ZNF326: variants seen among roughly 807,000 people sequenced by gnomAD.
ZNF326 encodes zinc finger protein 326, also known as DBIRD complex subunit ZNF326.
ZNF326 carries 30 observed loss-of-function variants against 63.1 expected under a neutral mutation model. The ratio of observed to expected loss-of-function variants is 0.48; its 90% confidence interval spans 0.36 to 0.64. The LOEUF (loss-of-function observed/expected upper bound fraction) is 0.64, where lower values mean the gene tolerates loss of function less well. Ranked by LOEUF, ZNF326 falls within the 30% of genes least tolerant of loss-of-function variation. ZNF326 has a pLI of 0.00. For synonymous variants in ZNF326, 194 were observed against 228.2 expected, an observed-to-expected ratio of 0.85 and a Z score of 1.35; for missense variants, 609 against 720.3, an observed-to-expected ratio of 0.85 and a Z score of 1.77.
Position 90,027,916 on chromosome 1 carries a change from TC to T in ZNF326, c.*217del. ...AGTTTTTATAGCTACCAGACTTAGA[TC>T]CGATAAATTGTTTGTATAATTTTTA... On this transcript the variant is annotated 3_prime_UTR_variant, in exon 12 of 12. Transcript: ENST00000340281. The T allele has an allele frequency of 1.9e-6, 1 of 538,170 alleles. No homozygotes were observed. 33.3% of individuals were successfully genotyped at this position (538,170 alleles called of 1,614,324 possible).
At chr1:90,014,043 C>T (rs1649378921) in intron 7 of ZNF326, among the ~76,000 whole-genome samples, 1 of 149,168 alleles carries the variant, frequency 6.7e-6, no homozygotes, top group African/African-American at 2.5e-5. Flanking sequence ...CCAGCCTGGG[C>T]AACAGAGCGA....
intron 1 of ZNF326, among the ~76,000 whole-genome samples, chr1:89,996,601 C>T (rs550937510): frequency 1.3e-5 from 2 of 152,076 alleles, no homozygotes; most frequent in African/African-American, 2.4e-5. Flanking sequence ...GGGCTGGGCA[C>T]GATGGCTCAC....
Position 90,029,381 on chromosome 1 carries a change from A to G in ZNF326, c.*1680A>G, listed in dbSNP as rs1650165701. On this transcript the variant is annotated 3_prime_UTR_variant, in exon 12 of 12. Transcript: ENST00000340281. Reference sequence around the variant, plus strand: ...AATTTTAGGGATTTGGTGCCAAATAAGAGAAGGGTAGTTGAAGACTAGATA... The same window carrying G: ...AATTTTAGGGATTTGGTGCCAAATAGGAGAAGGGTAGTTGAAGACTAGATA... 6.6e-6 allele frequency: 1 copy of G among 152,120 alleles called. No homozygotes were observed. The highest frequency in any genetic ancestry group is 6.5e-5 in the Admixed American group (1 of 15,268). The allele number at this position is 152,120 out of a possible 1,614,324, so 9.4% of individuals were successfully genotyped here. A position where few individuals can be genotyped will look rare whatever the true frequency, so the allele number is the denominator to read the frequency against.
Position 90,027,565 on chromosome 1 carries a change from T to TAGGGGAAGG in ZNF326, c.1622_1630dup (p.Gly541_Glu543dup). On this transcript the variant is annotated inframe_insertion, in exon 12 of 12. Coordinates refer to ENST00000340281, the MANE Select transcript of ZNF326 (RefSeq NM_182976.4). ...GAGGGCGAGGGAAATATACAGGGAG[T>TAGGGGAAGG]AGGGGAAGGAGGGGAAGTAGGGGTA... 1 of 1,584,504 alleles carries TAGGGGAAGG rather than the reference T, an allele frequency of 6.3e-7. No homozygotes were observed. The highest frequency in any genetic ancestry group is 8.6e-7 in the Non-Finnish European group (1 of 1,168,248).
At position 90,033,400 on chromosome 1, in the gene ZNF326, G is replaced by A. The variant is rs1034006690; in HGVS notation, c.*5699G>A. 4.0e-5 allele frequency: 6 copies of A among 151,630 alleles called. No individual in the cohort carries two copies. Among genetic ancestry groups the A allele is most frequent in the Non-Finnish European group, 7.4e-5 (5 of 67,882 alleles). 9.4% of individuals were successfully genotyped at this position (151,630 alleles called of 1,614,324 possible). A position where few individuals can be genotyped will look rare whatever the true frequency, so the allele number is the denominator to read the frequency against. On this transcript the variant is annotated 3_prime_UTR_variant, in exon 12 of 12. Transcript: ENST00000340281. The stretch of plus-strand genomic sequence containing the variant: ...GAATTCCTGGGGAAACAATTCAGGG[G>A]GAAAAAATGACCAAGTATAATTAGT...
In ZNF326 at chr1:90,006,535, T is replaced by C. The variant is rs1648997844; in HGVS notation, c.210-810T>C. The C allele has an allele frequency of 3.2e-6, 3 of 932,778 alleles. No homozygotes were observed. The African/African-American group carries it at 5.3e-5, about 17-fold the overall frequency. 57.8% of individuals were successfully genotyped at this position (932,778 alleles called of 1,614,324 possible). ...CTCTTAAAACCTCGAGGAGACTGTG[T>C]GCTCCCTTTTTTAGGGTAGTTTTAT... On this transcript the variant is annotated intron_variant, in intron 4 of 11. Transcript: ENST00000340281.
intron 6 of ZNF326, 25 bp downstream of exon 6, chr1:90,010,311 T>C (rs1336800534): frequency 6.3e-7 from 1 of 1,593,828 alleles, no homozygotes; most frequent in East Asian, 2.2e-5. Flanking sequence ...ATAATTGCTA[T>C]GATTCAGGAT....
At chr1:90,021,857 A>G (rs532068651) in intron 10 of ZNF326, among the ~76,000 whole-genome samples, 2 of 152,240 alleles carry the variant, frequency 1.3e-5, no homozygotes, top group African/African-American at 2.4e-5. Flanking sequence ...CTTCCTCTGT[A>G]TAATAGTCTT....
chr1:90,011,984 G>A (rs1649270036), intron 6 of ZNF326, among the ~76,000 whole-genome samples: 1 of 152,032 alleles, frequency 6.6e-6, no homozygotes, highest in Non-Finnish European at 1.5e-5. Context: ...CTACAGATGT[G>A]CACCACCACG....
chr1:90,015,874 G>A (rs1649478976), intron 7 of ZNF326, among the ~76,000 whole-genome samples: 1 of 127,262 alleles, frequency 7.9e-6, no homozygotes, highest in Non-Finnish European at 1.8e-5. Flanking sequence ...AGTGTAGATT[G>A]AAGTGACTCT....
chr1:90,005,481 A>G (rs1193342915), intron 4 of ZNF326: 1 of 1,171,480 alleles, frequency 8.5e-7, no homozygotes, highest in East Asian at 3.9e-5. Context: ...ATAGAGTAAG[A>G]TACACTTTTT....
chr1:90,026,877 G>C (rs1050380778), intron 11 of ZNF326, among the ~76,000 whole-genome samples: 2 of 151,984 alleles, frequency 1.3e-5, no homozygotes, highest in Non-Finnish European at 2.9e-5. Flanking sequence ...TTTACTGAGA[G>C]GTTTGTCTAC....
In ZNF326 at chr1:90,028,628, A is replaced by G. The variant is rs967247552; in HGVS notation, c.*927A>G. 6.6e-6 allele frequency: 1 copy of G among 152,140 alleles called. No homozygotes were observed. Among genetic ancestry groups the G allele is most frequent in the African/African-American group, 2.4e-5 (1 of 41,428 alleles). 9.4% of individuals were successfully genotyped at this position (152,140 alleles called of 1,614,324 possible). On this transcript the variant is annotated 3_prime_UTR_variant, in exon 12 of 12. Coordinates refer to ENST00000340281, the MANE Select transcript of ZNF326 (RefSeq NM_182976.4). ...TTTTAAAAGAATTATTTCTCTTTCAAATATTTCTATCCTTTTTAAAAAATT... is the reference window on the plus strand; with the variant it reads ...TTTTAAAAGAATTATTTCTCTTTCAGATATTTCTATCCTTTTTAAAAAATT...
intron 6 of ZNF326, 78 bp from the exon 7 acceptor site, chr1:90,013,048 G>T: frequency 1.6e-6 from 2 of 1,237,592 alleles, no homozygotes; most frequent in South Asian, 1.6e-5. Flanking sequence ...TCATAAGTAT[G>T]TACTTTACGA....
rs375902040 is a variant in ZNF326 at position 89,998,161 on chromosome 1, A to G, written c.61+7A>G. On this transcript the variant is annotated splice_region_variant and intron_variant, in intron 2 of 11. Transcript: ENST00000340281. ...ACTTATCAGGGCTTTAATGGTAAGT[A>G]TCCTCTTTCAGCTTTTCTCTTCATG... 1.9e-6 allele frequency: 3 copies of G among 1,612,312 alleles called. No homozygotes were observed. In the African/African-American group the frequency reaches 4.0e-5, roughly 22 times the overall value.
rs1376908141 is a variant in ZNF326, at chr1:90,034,023, A to G, written c.*6322A>G. Reference sequence around the variant, plus strand: ...AGCAAAAACAATGAAAAAGTCATGCAGGATGAATACTGACAAAATATGTGT... The same window carrying G: ...AGCAAAAACAATGAAAAAGTCATGCGGGATGAATACTGACAAAATATGTGT... On this transcript the variant is annotated 3_prime_UTR_variant, in exon 12 of 12. Coordinates refer to ENST00000340281, the MANE Select transcript of ZNF326 (RefSeq NM_182976.4). The G allele has an allele frequency of 6.6e-6, 1 of 152,154 alleles. No individual in the cohort carries two copies. Among genetic ancestry groups the G allele is most frequent in the Non-Finnish European group, 1.5e-5 (1 of 67,998 alleles). The allele number at this position is 152,154 out of a possible 1,614,324, so 9.4% of individuals were successfully genotyped here.
chr1:90,006,655 G>T (rs1025613237), intron 4 of ZNF326, among the ~76,000 whole-genome samples: 64 of 152,194 alleles, frequency 4.2e-4, no homozygotes, highest in African/African-American at 1.5e-3. Context: ...TATGCAGAGG[G>T]TATATGTTGG....
chr1:89,997,930 AAG>A (rs1456490201), intron 1 of ZNF326, among the ~76,000 whole-genome samples, 178 bp from the exon 2 acceptor site: 1 of 152,224 alleles, frequency 6.6e-6, no homozygotes, highest in Non-Finnish European at 1.5e-5. Flanking sequence ...GTGAAGAAAA[AAG>A]AGATACATTT....
chr1:90,024,880 C>A (rs1447590178), intron 11 of ZNF326, among the ~76,000 whole-genome samples: 2 of 151,962 alleles, frequency 1.3e-5, no homozygotes, highest in African/African-American at 4.8e-5. Flanking sequence ...TATATCTTTC[C>A]TTCACCTTTA....
Sources: gnomAD v4.1 joint callset for allele counts (sites outside exome capture counted in the v4.1 genomes callset) on GRCh38, gnomAD v4.1.1 for gene constraint, MANE v1.5 for transcripts, NCBI Gene and HGNC (gene_info 2026-07-23, HGNC 2026-07-21) for gene names.